Variants in MRPL1 observed in about 807,000 individuals in gnomAD.
MRPL1 encodes large ribosomal subunit protein uL1m.
In MRPL1, 28 loss-of-function variants were observed where a neutral mutation model predicts 38.0. The ratio of observed to expected loss-of-function variants is 0.74; its 90% CI spans 0.55 to 1.01. The LOEUF (loss-of-function observed/expected upper bound fraction) is 1.01. MRPL1 is among the 50% of genes least tolerant of loss of function. MRPL1 has a pLI of 0.00. For missense variants in MRPL1, 358 were observed against 389.8 expected, an observed-to-expected ratio of 0.92 and a Z score of 0.69; for synonymous variants, 123 against 126.7, an observed-to-expected ratio of 0.97 and a Z score of 0.20.
intron 7 of MRPL1, among the ~76,000 whole-genome samples, chr4:77,939,976 T>C (rs1295747590): frequency 2.0e-5 from 3 of 152,216 alleles, no homozygotes; most frequent in Non-Finnish European, 4.4e-5. Flanking sequence ...TCAGGTAATA[T>C]GATGCCTCCA....
intron 6 of MRPL1, among the ~76,000 whole-genome samples, chr4:77,896,786 A>C (rs1735924105): frequency 6.6e-6 from 1 of 152,006 alleles, no homozygotes; most frequent in Non-Finnish European, 1.5e-5. Flanking sequence ...TTTTATTTTA[A>C]TTGCTTACAT....
At chr4:77,939,302 G>A (rs990809552) in intron 7 of MRPL1, among the ~76,000 whole-genome samples, 5 of 152,130 alleles carry the variant, frequency 3.3e-5, no homozygotes, top group African/African-American at 1.2e-4. Flanking sequence ...GTGATGTTGA[G>A]CATTTTTCAT....
At chr4:77,915,068 G>C (rs1317641039) in intron 7 of MRPL1, among the ~76,000 whole-genome samples, 1 of 152,172 alleles carries the variant, frequency 6.6e-6, no homozygotes, top group Non-Finnish European at 1.5e-5. Context: ...TGTTTTTTGG[G>C]AGAGTGAAAT....
At chr4:77,922,738 C>T (rs926226489) in intron 7 of MRPL1, among the ~76,000 whole-genome samples, 1 of 152,086 alleles carries the variant, frequency 6.6e-6, no homozygotes, top group Non-Finnish European at 1.5e-5. Context: ...TTTTTGCTGA[C>T]AAAACTGGAA....
chr4:77,946,175 G>C (rs1737264102), intron 7 of MRPL1, among the ~76,000 whole-genome samples: 1 of 152,118 alleles, frequency 6.6e-6, no homozygotes, highest in African/African-American at 2.4e-5. Context: ...TTTTCCTAGG[G>C]TCTTAATATT....
chr4:77,932,081 T>G (rs981427846), intron 7 of MRPL1, among the ~76,000 whole-genome samples: 1 of 152,168 alleles, frequency 6.6e-6, no homozygotes, highest in African/African-American at 2.4e-5. Flanking sequence ...TGATACAGAA[T>G]GGGACACAAA....
Position 77,868,811 on chromosome 4 carries a change from G to A in MRPL1, c.32-2933G>A, listed in dbSNP as rs1735213226. 3.3e-5 allele frequency among the ~76,000 whole-genome samples: 5 copies of A among 152,202 alleles called. No individual in the cohort carries two copies. The South Asian group carries it at 1.0e-3, about 31-fold the overall frequency. On this transcript the variant is annotated intron_variant, in intron 1 of 8. Coordinates refer to ENST00000315567, the MANE Select transcript of MRPL1 (RefSeq NM_020236.4). ...CTGAAAGAAGATGAGTGTATTTGTA[G>A]CATGGTGAACATGAGGGAGAGTGGG...
chr4:77,941,048 C>T (rs1578064059), intron 7 of MRPL1, among the ~76,000 whole-genome samples: 1 of 152,050 alleles, frequency 6.6e-6, no homozygotes, highest in Admixed American at 6.6e-5. Context: ...GGTGGATCAC[C>T]TGATGTCAGG....
chr4:77,903,056 C>A (rs980728494), intron 6 of MRPL1, among the ~76,000 whole-genome samples: 1 of 152,112 alleles, frequency 6.6e-6, no homozygotes, highest in African/African-American at 2.4e-5. Flanking sequence ...TACGAGAAAA[C>A]TACAGGATTT....
chr4:77,871,836 C>A lies in MRPL1; in HGVS notation c.124C>A (p.His42Asn), dbSNP rs1328387877. ...CSVNIRVPNR[H>N]FAAATKSAKK... ...TGTAAACATCCGAGTGCCCAACAGACATTTTGCTGCTGCTACAAAGTAAGT... is the reference window on the plus strand; with the variant it reads ...TGTAAACATCCGAGTGCCCAACAGAAATTTTGCTGCTGCTACAAAGTAAGT... The change falls in exon 2 of 9, where the codon CAT becomes AAT. Residue 42 changes from histidine (H) to asparagine (N), a missense_variant. His to Asn is a moderately conservative substitution (Grantham distance 68). Transcript: ENST00000315567. 1.3e-6 allele frequency: 2 copies of A among 1,593,052 alleles called. No homozygotes were observed. The highest frequency in any genetic ancestry group is 8.5e-7 in the Non-Finnish European group (1 of 1,171,234).
At chr4:77,910,424 A>G (rs1300618726) in intron 7 of MRPL1, among the ~76,000 whole-genome samples, 5 of 152,192 alleles carry the variant, frequency 3.3e-5, no homozygotes, top group Admixed American at 3.3e-4. Flanking sequence ...AGAAATATAG[A>G]AAAAGCTGAG....
chr4:77,880,237 G>A (rs929621990), intron 2 of MRPL1, among the ~76,000 whole-genome samples: 1 of 152,086 alleles, frequency 6.6e-6, no homozygotes, highest in African/African-American at 2.4e-5. Flanking sequence ...AGGCTCTAGG[G>A]GATAATCCAT....
chr4:77,937,539 G>T (rs1415656520), intron 7 of MRPL1, among the ~76,000 whole-genome samples: 1 of 152,178 alleles, frequency 6.6e-6, no homozygotes, highest in African/African-American at 2.4e-5. Context: ...ATTTTGGGTG[G>T]TTTGATTTCC....
chr4:77,887,362 A>G (rs1039602598), intron 5 of MRPL1, 71 bp downstream of exon 5: 2 of 1,238,906 alleles, frequency 1.6e-6, no homozygotes, highest in Non-Finnish European at 2.4e-6. Flanking sequence ...TTGATCTGTT[A>G]TATGTGGAAC....
intron 7 of MRPL1, among the ~76,000 whole-genome samples, chr4:77,932,984 C>T (rs1413759611): frequency 6.6e-6 from 1 of 151,894 alleles, no homozygotes; most frequent in Non-Finnish European, 1.5e-5. Context: ...ACAGGTCTTG[C>T]TGTGTTGCCA....
chr4:77,894,377 A>G (rs903959953), intron 6 of MRPL1, 127 bp downstream of exon 6: 6 of 565,658 alleles, frequency 1.1e-5, no homozygotes, highest in Non-Finnish European at 1.8e-5. Context: ...AGTTTGAGTT[A>G]CGAGAACCTA....
intron 7 of MRPL1, among the ~76,000 whole-genome samples, chr4:77,915,824 A>C (rs995661118): frequency 6.6e-6 from 1 of 152,234 alleles, no homozygotes; most frequent in African/African-American, 2.4e-5. Context: ...AAAATGTCAT[A>C]AGATGATACG....
chr4:77,888,142 C>G (rs2110237779), intron 5 of MRPL1, among the ~76,000 whole-genome samples: 1 of 152,280 alleles, frequency 6.6e-6, no homozygotes, highest in African/African-American at 2.4e-5. Flanking sequence ...CTTTTAGCTT[C>G]TAATCCTTTC....
chr4:77,879,833 A>T (rs183931057), intron 2 of MRPL1, among the ~76,000 whole-genome samples: 97 of 152,330 alleles, frequency 6.4e-4, no homozygotes, highest in African/African-American at 1.9e-3. Flanking sequence ...TAGACTTGTC[A>T]TCAGTCCAGA....
Sources: gnomAD v4.1 joint callset for allele counts (sites outside exome capture counted in the v4.1 genomes callset) on GRCh38, gnomAD v4.1.1 for gene constraint, MANE v1.5 for transcripts, NCBI Gene and HGNC (gene_info 2026-07-23, HGNC 2026-07-21) for gene names.